The following FGF12 variants were observed in gnomAD, a reference collection of about 807,000 sequenced individuals.
The protein encoded by FGF12 is fibroblast growth factor 12, also known as fibroblast growth factor 12B.
In FGF12, 14 loss-of-function variants were observed where a neutral mutation model predicts 23.6. The ratio of observed to expected loss-of-function variants is 0.59; its 90% confidence interval spans 0.39 to 0.93. The LOEUF (loss-of-function observed/expected upper bound fraction) is 0.93, where lower values mean the gene tolerates loss of function less well. Among genes scored for constraint, FGF12 ranks in the 40% least tolerant of loss-of-function variants. FGF12 has a pLI of 0.00. For synonymous variants in FGF12, 62 were observed against 77.3 expected (o/e 0.80, Z 1.04); for missense variants, 175 against 217.8 (o/e 0.80, Z 1.24).
rs1251707542 is a variant in FGF12 at position 192,142,118 on chromosome 3, T to A, written c.*1891A>T. 2.6e-5 allele frequency: 4 copies of A among 152,524 alleles called. No homozygotes were observed. The highest frequency in any genetic ancestry group is 5.9e-5 in the Non-Finnish European group (4 of 67,938). The allele number at this position is 152,524 out of a possible 1,614,324, so 9.4% of individuals were successfully genotyped here. On this transcript the variant is annotated 3_prime_UTR_variant, in exon 6 of 6. Transcript: ENST00000445105. ...TCCAAATATTTTGGTTAAACAAATA[T>A]CTCTTGCAAATGTATCTTCAAAATC...
At chr3:192,391,939 G>C (rs542555630) in intron 2 of FGF12, among the ~76,000 whole-genome samples, 1 of 152,286 alleles carries the variant, frequency 6.6e-6, no homozygotes, top group Admixed American at 6.5e-5. Flanking sequence ...AGGCTGTATT[G>C]CATAAGCAAA....
chr3:192,467,764 A>C lies in FGF12; in HGVS notation c.14-107226T>G, dbSNP rs554122904. ...GAATGCCCAATGCCTCCCTGCTAGG[A>C]AATGGCAGAGCTCAAACTTAAAGAC... On this transcript the variant is annotated intron_variant, in intron 2 of 5. Transcript: ENST00000445105. Among the ~76,000 whole-genome samples the C allele has an allele frequency of 1.6e-4, 24 of 152,322 alleles. 1 individual carries two copies. In the South Asian group the frequency reaches 2.3e-3, roughly 14 times the overall value.
At chr3:192,397,585 A>G (rs761005850) in intron 2 of FGF12, among the ~76,000 whole-genome samples, 1 of 152,216 alleles carries the variant, frequency 6.6e-6, no homozygotes, top group African/African-American at 2.4e-5. Flanking sequence ...TTGGGTTTCC[A>G]TAGAATTTGA....
At chr3:192,685,448 C>G (rs1187370790) in intron 2 of FGF12, among the ~76,000 whole-genome samples, 1 of 152,144 alleles carries the variant, frequency 6.6e-6, no homozygotes, top group Non-Finnish European at 1.5e-5. Context: ...TGCTCACAAC[C>G]AAATAACAAA....
chr3:192,589,204 G>A (rs538548400), intron 2 of FGF12, among the ~76,000 whole-genome samples: 1 of 151,568 alleles, frequency 6.6e-6, no homozygotes, highest in African/African-American at 2.4e-5. Flanking sequence ...GTGTGGTGGT[G>A]CGCACCTGCA....
intron 4 of FGF12, among the ~76,000 whole-genome samples, chr3:192,202,947 GAAGAA>G (rs1002375095): frequency 2.6e-5 from 4 of 152,156 alleles, no homozygotes; most frequent in Non-Finnish European, 5.9e-5. Context: ...TGATATCAAT[GAAGAA>G]AAGTGGGAAA....
rs961570007 is a variant in FGF12, at chr3:192,409,485, C to G, written c.14-48947G>C. The stretch of plus-strand genomic sequence containing the variant: ...CGCTGCTGCCCGTGCCCCCTAGGCT[C>G]GCGCGCCCCGGCAGTCAGCAGCTCA... On this transcript the variant is annotated intron_variant, in intron 2 of 5. Coordinates refer to ENST00000445105, the MANE Select transcript of FGF12 (RefSeq NM_004113.6). This position sits in a 1 kb window ranked among gnomAD's most constrained non-coding sequence, Gnocchi z 4.8. Among the ~76,000 whole-genome samples the G allele has an allele frequency of 6.6e-6, 1 of 152,104 alleles. No homozygotes were observed. The highest frequency in any genetic ancestry group is 1.5e-5 in the Non-Finnish European group (1 of 68,022).
At chr3:192,538,422 T>C (rs917981811) in intron 2 of FGF12, among the ~76,000 whole-genome samples, 1 of 152,192 alleles carries the variant, frequency 6.6e-6, no homozygotes, top group Non-Finnish European at 1.5e-5. Context: ...ATGCAATAAG[T>C]TAACTGTAGA....
intron 2 of FGF12, among the ~76,000 whole-genome samples, chr3:192,703,123 C>T (rs1003561994): frequency 1.3e-5 from 2 of 152,148 alleles, no homozygotes; most frequent in African/African-American, 4.8e-5. Flanking sequence ...AAGTTAATCC[C>T]TTATCCTATA....
intron 2 of FGF12, among the ~76,000 whole-genome samples, chr3:192,377,029 C>G (rs1030186413): frequency 2.6e-5 from 4 of 152,194 alleles, no homozygotes; most frequent in South Asian, 2.1e-4. Flanking sequence ...GACTGGAATT[C>G]CAACTTAACA....
At chr3:192,395,014 G>A (rs1292783958) in intron 2 of FGF12, among the ~76,000 whole-genome samples, 2 of 152,178 alleles carry the variant, frequency 1.3e-5, no homozygotes, top group Non-Finnish European at 2.9e-5. Context: ...GGTCTCAGCT[G>A]TAAATATAAG....
intron 2 of FGF12, among the ~76,000 whole-genome samples, chr3:192,404,006 G>A (rs915174442): frequency 4.6e-5 from 7 of 151,958 alleles, no homozygotes; most frequent in African/African-American, 9.7e-5. Flanking sequence ...CAACAAAATC[G>A]GGTAAATTAC....
chr3:192,444,125 G>A (rs998563611), intron 2 of FGF12, among the ~76,000 whole-genome samples: 4 of 152,148 alleles, frequency 2.6e-5, no homozygotes, highest in African/African-American at 9.7e-5. Flanking sequence ...ATAGGAAAAT[G>A]ACCATCAGTC....
chr3:192,360,480 C>A lies in FGF12; in HGVS notation c.72G>T (p.Gln24His). ...CATCAATGGTACCATCTGGGTGCAT[C>A]TGCAGGAAGTATCCCTGCTGGCTGA... ...RLFSQQGYFL[Q>H]MHPDGTIDGT... Residue 24 changes from glutamine to histidine, a missense_variant, in exon 3 of 6, where the codon CAG becomes CAT. Gln to His is a conservative substitution (Grantham distance 24, BLOSUM62 0). Transcript: ENST00000445105. This position sits in a 1 kb window ranked among gnomAD's most constrained non-coding sequence, Gnocchi z 4.3. 6.2e-7 allele frequency: 1 copy of A among 1,613,998 alleles called. No homozygotes were observed.
At chr3:192,697,852 T>G (rs1448228130) in intron 2 of FGF12, among the ~76,000 whole-genome samples, 1 of 152,224 alleles carries the variant, frequency 6.6e-6, no homozygotes, top group Non-Finnish European at 1.5e-5. Flanking sequence ...AGACCATTGT[T>G]TGCTCATTGC....
At chr3:192,241,276 G>A (rs1719605156) in intron 4 of FGF12, among the ~76,000 whole-genome samples, 1 of 152,158 alleles carries the variant, frequency 6.6e-6, no homozygotes, top group Non-Finnish European at 1.5e-5. Flanking sequence ...TAAGGTGACA[G>A]AAGAGAATGT....
intron 2 of FGF12, among the ~76,000 whole-genome samples, chr3:192,689,535 T>C (rs1315363057): frequency 6.6e-6 from 1 of 151,676 alleles, no homozygotes; most frequent in Non-Finnish European, 1.5e-5. Flanking sequence ...AACAACAGAA[T>C]GGAATAGAGA....
chr3:192,571,473 G>A (rs567918575), intron 2 of FGF12, among the ~76,000 whole-genome samples: 20 of 152,374 alleles, frequency 1.3e-4, no homozygotes, highest in African/African-American at 4.6e-4. Flanking sequence ...CGCGAGCAGC[G>A]CGGCATCAAC....
At chr3:192,297,737 T>TTTTGAAATAGAATCTCTA (rs1206816964) in intron 4 of FGF12, among the ~76,000 whole-genome samples, 1 of 152,216 alleles carries the variant, frequency 6.6e-6, no homozygotes, top group African/African-American at 2.4e-5. Context: ...AGGAATCTCA[T>TTTTGAAATAGAATCTCTA]TTTGAAATAG....
Sources: gnomAD v4.1 joint callset for allele counts (sites outside exome capture counted in the v4.1 genomes callset) on GRCh38, gnomAD v4.1.1 for gene constraint, Gnocchi (gnomAD v3.1) non-coding constraint, MANE v1.5 for transcripts, NCBI Gene and HGNC (gene_info 2026-07-23, HGNC 2026-07-21) for gene names.